The following DGKB variants were observed in gnomAD, a reference collection of about 807,000 sequenced individuals.
DGKB encodes diacylglycerol kinase beta, also known as 90 kDa diacylglycerol kinase.
A neutral mutation model predicts 114.3 loss-of-function variants in DGKB; 67 were observed. The ratio of observed to expected loss-of-function variants is 0.59; its 90% CI spans 0.48 to 0.72. DGKB has a LOEUF of 0.72. Ranked by LOEUF, DGKB falls within the 30% of genes least tolerant of loss-of-function variation. The pLI is 0.00. For missense variants in DGKB, 907 were observed against 975.2 expected, an observed-to-expected ratio of 0.93 and a Z score of 0.93; for synonymous variants, 398 against 323.1, an observed-to-expected ratio of 1.23 and a Z score of -2.49.
chr7:14,864,197 T>G (rs1851391014), intron 1 of DGKB, among the ~76,000 whole-genome samples: 1 of 152,194 alleles, frequency 6.6e-6, no homozygotes, highest in South Asian at 2.1e-4. Flanking sequence ...ATTATATGAT[T>G]TTTATTTTAC....
chr7:14,920,364 G>T (rs1784454166), intron 1 of DGKB, among the ~76,000 whole-genome samples: 1 of 152,030 alleles, frequency 6.6e-6, no homozygotes, highest in Non-Finnish European at 1.5e-5. Context: ...ATGAAAGAAG[G>T]TATACAGATG....
intron 21 of DGKB, among the ~76,000 whole-genome samples, chr7:14,418,845 A>G (rs1051847736): frequency 2.6e-5 from 4 of 152,016 alleles, no homozygotes; most frequent in Admixed American, 6.6e-5. Context: ...ATGTGACAAA[A>G]AGGTGAGAAA....
intron 5 of DGKB, among the ~76,000 whole-genome samples, chr7:14,719,074 A>G (rs1297576184): frequency 6.6e-6 from 1 of 152,198 alleles, no homozygotes; most frequent in Non-Finnish European, 1.5e-5. Context: ...ACAAAATACT[A>G]AAGAAAAAAA....
intron 21 of DGKB, among the ~76,000 whole-genome samples, chr7:14,378,796 T>C (rs1818907467): frequency 6.6e-6 from 1 of 152,272 alleles, no homozygotes; most frequent in East Asian, 1.9e-4. Flanking sequence ...AACAGTGTAC[T>C]TAAAAATATT....
At chr7:14,540,351 T>C (rs1793221856) in intron 20 of DGKB, among the ~76,000 whole-genome samples, 2 of 152,162 alleles carry the variant, frequency 1.3e-5, no homozygotes, top group African/African-American at 4.8e-5. Flanking sequence ...ATTATGTATG[T>C]TCTGACATAA....
At chr7:14,308,286 G>C (rs1424223463) in intron 23 of DGKB, among the ~76,000 whole-genome samples, 1 of 151,722 alleles carries the variant, frequency 6.6e-6, no homozygotes, top group Non-Finnish European at 1.5e-5. Flanking sequence ...CCTAAATTTG[G>C]ACATTTTCAT....
At chr7:14,838,684 T>TA (rs2128134174) in intron 2 of DGKB, among the ~76,000 whole-genome samples, 1 of 152,312 alleles carries the variant, frequency 6.6e-6, no homozygotes, top group Admixed American at 6.5e-5. Flanking sequence ...CCCTACTAAC[T>TA]AGTCTCTAGT....
intron 1 of DGKB, among the ~76,000 whole-genome samples, chr7:14,900,367 T>A (rs1782820111): frequency 6.6e-6 from 1 of 152,190 alleles, no homozygotes; most frequent in South Asian, 2.1e-4. Flanking sequence ...CTAGAGGTAC[T>A]ACTCTTTAGA....
intron 14 of DGKB, among the ~76,000 whole-genome samples, chr7:14,621,814 A>G (rs150514885): frequency 6.6e-6 from 1 of 152,254 alleles, no homozygotes; most frequent in African/African-American, 2.4e-5. Flanking sequence ...AATGATACAG[A>G]TAAAGGGTAC....
At chr7:14,551,018 T>C (rs908553855) in intron 20 of DGKB, among the ~76,000 whole-genome samples, 1 of 152,144 alleles carries the variant, frequency 6.6e-6, no homozygotes, top group Non-Finnish European at 1.5e-5. Context: ...AGTAAAGATA[T>C]AGGAGAATGT....
At chr7:14,237,930 T>C (rs987341663) in intron 23 of DGKB, among the ~76,000 whole-genome samples, 3 of 152,060 alleles carry the variant, frequency 2.0e-5, no homozygotes, top group Non-Finnish European at 4.4e-5. Flanking sequence ...TGATAATTAT[T>C]AAAGGCCATT....
chr7:14,211,019 C>A (rs538409542), intron 23 of DGKB, among the ~76,000 whole-genome samples: 1 of 152,154 alleles, frequency 6.6e-6, no homozygotes, highest in Admixed American at 6.6e-5. Flanking sequence ...TGTTCCCCTA[C>A]AGCTATCACC....
chr7:14,682,701 G>A (rs1310068270), intron 11 of DGKB, 32 bp from the exon 12 acceptor site: 1 of 1,605,498 alleles, frequency 6.2e-7, no homozygotes, highest in Admixed American at 1.7e-5. Flanking sequence ...GTGATAAGAG[G>A]ACACACTACA....
chr7:14,493,144 G>A (rs1458382960), intron 20 of DGKB, among the ~76,000 whole-genome samples: 11 of 152,054 alleles, frequency 7.2e-5, no homozygotes, highest in Admixed American at 7.2e-4. Context: ...ACTATGGATT[G>A]AAAATGGAGT....
At chr7:14,887,322 T>C (rs555984028) in intron 1 of DGKB, among the ~76,000 whole-genome samples, 18 of 151,820 alleles carry the variant, frequency 1.2e-4, no homozygotes, top group Non-Finnish European at 2.7e-4. Context: ...TCTTGAAACG[T>C]TTCCTTTCTT....
At chr7:14,389,925 G>A (rs1821063689) in intron 21 of DGKB, among the ~76,000 whole-genome samples, 1 of 152,152 alleles carries the variant, frequency 6.6e-6, no homozygotes, top group African/African-American at 2.4e-5. Flanking sequence ...TCCATCAGCA[G>A]CCCTTGTTAA....
intron 23 of DGKB, among the ~76,000 whole-genome samples, chr7:14,298,231 A>G (rs183006169): frequency 1.3e-5 from 2 of 152,328 alleles, no homozygotes; most frequent in Admixed American, 6.5e-5. Context: ...GAACCAAAAA[A>G]GAGCCTGTAT....
At chr7:14,210,436 A>C (rs957564791) in intron 23 of DGKB, among the ~76,000 whole-genome samples, 3 of 152,144 alleles carry the variant, frequency 2.0e-5, no homozygotes, top group African/African-American at 7.2e-5. Flanking sequence ...ATCCATGTGC[A>C]CAATCTGCAG....
Position 14,147,840 on chromosome 7 carries a change from ACAGT to A in DGKB, c.*1287_*1290del, listed in dbSNP as rs892088897. ...AAGTACTGTTCTGTGATTTCTTTAA[ACAGT>A]CAGAGACTCCAACTATGCCATGAAC... On this transcript the variant is annotated 3_prime_UTR_variant, in exon 26 of 26. Transcript: ENST00000402815. 87 of 152,588 alleles carry A rather than the reference ACAGT, an allele frequency of 5.7e-4. No individual in the cohort carries two copies. Among genetic ancestry groups the A allele is most frequent in the African/African-American group, 1.9e-3 (79 of 41,548 alleles). 9.5% of individuals were successfully genotyped at this position (152,588 alleles called of 1,614,324 possible).
Sources: gnomAD v4.1 joint callset for allele counts (sites outside exome capture counted in the v4.1 genomes callset) on GRCh38, gnomAD v4.1.1 for gene constraint, MANE v1.5 for transcripts, NCBI Gene and HGNC (gene_info 2026-07-23, HGNC 2026-07-21) for gene names.